The following TADA2A variants were observed in gnomAD, a reference collection of about 807,000 sequenced individuals.
TADA2A encodes the protein transcriptional adaptor 2A.
A neutral mutation model predicts 67.4 loss-of-function variants in TADA2A; 38 were observed. That is an observed-to-expected ratio of 0.56 (90% CI 0.44 to 0.74). The LOEUF (loss-of-function observed/expected upper bound fraction) is 0.74. Among genes scored for constraint, TADA2A ranks in the 30% least tolerant of loss-of-function variants. TADA2A has a pLI of 0.00. For missense variants in TADA2A, 454 were observed against 547.0 expected (o/e 0.83, Z 1.70); for synonymous variants, 192 against 181.6 (o/e 1.06, Z -0.46).
chr17:37,447,862 A>T (rs930558158), intron 8 of TADA2A, among the ~76,000 whole-genome samples: 8 of 152,166 alleles, frequency 5.3e-5, no homozygotes, highest in African/African-American at 1.9e-4. Context: ...GCACACCTGG[A>T]ACAGTTAGAG....
intron 4 of TADA2A, among the ~76,000 whole-genome samples, chr17:37,431,761 T>G (rs868122809): frequency 9.2e-5 from 14 of 152,130 alleles, no homozygotes; most frequent in African/African-American, 3.1e-4. Flanking sequence ...AGACAGGGTT[T>G]CACCATGTTG....
intron 2 of TADA2A, among the ~76,000 whole-genome samples, chr17:37,416,027 A>G (rs762766664): frequency 2.0e-5 from 3 of 151,676 alleles, no homozygotes; most frequent in Non-Finnish European, 4.4e-5. Flanking sequence ...ACATTTTTTC[A>G]TATGTTTAAG....
At chr17:37,455,681 G>A (rs909413902) in intron 8 of TADA2A, among the ~76,000 whole-genome samples, 13 of 152,076 alleles carry the variant, frequency 8.5e-5, no homozygotes, top group East Asian at 3.8e-4. Flanking sequence ...GCGCCTGGCC[G>A]CTTACGAGGT....
Position 37,444,694 on chromosome 17 carries a change from A to C in TADA2A, c.532-2A>C. ...TGGGGATTTTTTTGTTCCCCTAAAC[A>C]GGAATTTGACAATTATGCAGAATGG... On this transcript the variant is annotated splice_acceptor_variant, in intron 7 of 15. Transcript: ENST00000615182. LOFTEE classifies it high-confidence loss of function. 1 of 1,613,906 alleles carries C rather than the reference A, an allele frequency of 6.2e-7. No homozygotes were observed. The highest frequency in any genetic ancestry group is 8.5e-7 in the Non-Finnish European group (1 of 1,179,908).
chr17:37,415,176 C>G (rs2052002113), intron 2 of TADA2A, among the ~76,000 whole-genome samples: 1 of 152,196 alleles, frequency 6.6e-6, no homozygotes, highest in East Asian at 1.9e-4. Context: ...GCCACCGTGC[C>G]TGGCCTCTAA....
At chr17:37,417,662 G>C (rs961549536) in intron 2 of TADA2A, among the ~76,000 whole-genome samples, 3 of 151,804 alleles carry the variant, frequency 2.0e-5, no homozygotes, top group Admixed American at 6.6e-5. Flanking sequence ...AGCCTCCCGA[G>C]TAGCTAGGAC....
At chr17:37,428,190 TAAGAC>T (rs1413211537) in intron 4 of TADA2A, among the ~76,000 whole-genome samples, 3 of 152,262 alleles carry the variant, frequency 2.0e-5, no homozygotes, top group East Asian at 1.9e-4. Flanking sequence ...TTAGATATCT[TAAGAC>T]AACACAAATT....
At chr17:37,417,459 C>T (rs968470379) in intron 2 of TADA2A, among the ~76,000 whole-genome samples, 3 of 152,056 alleles carry the variant, frequency 2.0e-5, no homozygotes, top group African/African-American at 7.2e-5. Flanking sequence ...ATCACTGAGT[C>T]TGGGAGGGAG....
chr17:37,476,618 C>T (rs2053897631), intron 15 of TADA2A, among the ~76,000 whole-genome samples, 179 bp from the exon 16 acceptor site: 1 of 152,146 alleles, frequency 6.6e-6, no homozygotes, highest in Non-Finnish European at 1.5e-5. Context: ...GGGTGTGTGT[C>T]CTTAGGGAGT....
intron 2 of TADA2A, among the ~76,000 whole-genome samples, chr17:37,418,889 ATTTTTTCTTTTT>A (rs1360878608): frequency 2.3e-4 from 34 of 145,522 alleles, no homozygotes; most frequent in Admixed American, 3.5e-4. Context: ...GTGCCTGGCT[ATTTTTTCTTTTT>A]ATTATTTTTG....
chr17:37,410,679 A>T (rs1378197799), intron 1 of TADA2A, among the ~76,000 whole-genome samples: 1 of 152,208 alleles, frequency 6.6e-6, no homozygotes, highest in African/African-American at 2.4e-5. Context: ...ACATGGACTG[A>T]ATTCTTTGAA....
At chr17:37,411,498 C>T (rs2051867845) in intron 2 of TADA2A, 108 bp downstream of exon 2, 3 of 1,026,776 alleles carry the variant, frequency 2.9e-6, no homozygotes, top group Non-Finnish European at 3.0e-6. Flanking sequence ...TGTTGGCTCA[C>T]TGCAACTTCT....
At chr17:37,420,794 T>A (rs1318673253) in intron 2 of TADA2A, among the ~76,000 whole-genome samples, 1 of 146,986 alleles carries the variant, frequency 6.8e-6, no homozygotes, top group Admixed American at 6.9e-5. Flanking sequence ...AGGCAAATAC[T>A]GTTACAGAAT....
intron 10 of TADA2A, among the ~76,000 whole-genome samples, chr17:37,462,742 TAATG>T (rs1012028039): frequency 2.6e-5 from 4 of 152,190 alleles, no homozygotes; most frequent in African/African-American, 4.8e-5. Context: ...GTGTGAATAT[TAATG>T]AATAATTTTC....
At chr17:37,427,059 A>T (rs2052432142) in intron 4 of TADA2A, 50 bp downstream of exon 4, 2 of 1,473,984 alleles carry the variant, frequency 1.4e-6, no homozygotes, top group Non-Finnish European at 1.8e-6. Flanking sequence ...TAAGAATTAG[A>T]CTGGGAAGTA....
rs1471072773 is a variant in TADA2A at position 37,474,566 on chromosome 17, T to C, written c.1083T>C (p.Ser361=). Residue 361 remains serine, a synonymous_variant, in exon 15 of 16, where the codon AGT becomes AGC. Transcript: ENST00000615182. ...TTTCTCTGTCTATAGGTAGACGGAGTGCACCACCCTTGAACCTCACTGGCC... is the reference window on the plus strand; with the variant it reads ...TTTCTCTGTCTATAGGTAGACGGAGCGCACCACCCTTGAACCTCACTGGCC... ...IPMASNSGRR[S]APPLNLTGLP... 6.2e-7 allele frequency: 1 copy of C among 1,613,382 alleles called. No homozygotes were observed. The highest frequency in any genetic ancestry group is 1.1e-5 in the South Asian group (1 of 90,840).
At position 37,461,258 on chromosome 17, in the gene TADA2A, A is replaced by G. The variant is rs572035699; in HGVS notation, c.669-820A>G. ...AATCTAATGCTGCCGCTCCTCTGAC[A>G]GGAGGCAGAGTTCAGACGGTAAAGC... is the stretch of plus-strand genomic sequence containing the variant. On this transcript the variant is annotated intron_variant, in intron 9 of 15. Coordinates refer to ENST00000615182, the MANE Select transcript of TADA2A (RefSeq NM_001166105.3). Among the ~76,000 whole-genome samples the G allele has an allele frequency of 1.5e-4, 23 of 152,204 alleles. No homozygotes were observed. In the South Asian group the frequency reaches 4.4e-3, roughly 29 times the overall value.
At chr17:37,453,787 T>G (rs1463849797) in intron 8 of TADA2A, among the ~76,000 whole-genome samples, 2 of 85,602 alleles carry the variant, frequency 2.3e-5, no homozygotes, top group Non-Finnish European at 4.4e-5. Flanking sequence ...TTTTTTTTTT[T>G]GAGACAGAGT....
At chr17:37,436,948 T>C (rs537278152) in intron 4 of TADA2A, among the ~76,000 whole-genome samples, 2 of 151,992 alleles carry the variant, frequency 1.3e-5, no homozygotes, top group African/African-American at 4.8e-5. Flanking sequence ...CATTTATAGG[T>C]GATATGGAGG....
Sources: allele counts gnomAD v4.1 joint callset (sites outside exome capture counted in the v4.1 genomes callset), GRCh38; gene constraint gnomAD v4.1.1; transcripts MANE v1.5; gene names NCBI Gene and HGNC (gene_info 2026-07-23, HGNC 2026-07-21).